TMEM184B: variants seen among roughly 807,000 people sequenced by gnomAD.
The protein encoded by TMEM184B is transmembrane protein 184B, also known as putative MAPK-activating protein FM08.
TMEM184B carries 17 observed loss-of-function variants against 41.8 expected under a neutral mutation model. The ratio of observed to expected loss-of-function variants is 0.41; its 90% confidence interval spans 0.28 to 0.61. The LOEUF is 0.61. Ranked by LOEUF, TMEM184B falls within the 20% of genes least tolerant of loss-of-function variation. The probability of loss-of-function intolerance (pLI) is 0.34; values close to 1 mark genes in which losing one functional copy is unlikely to be tolerated. For missense variants in TMEM184B, 393 were observed against 557.8 expected (o/e 0.70, Z 2.98); for synonymous variants, 240 against 229.5 (o/e 1.05, Z -0.41).
intron 1 of TMEM184B, among the ~76,000 whole-genome samples, chr22:38,252,417 G>A (rs1190320027): frequency 1.3e-5 from 2 of 152,174 alleles, no homozygotes; most frequent in Non-Finnish European, 2.9e-5. Context: ...ATGACAGAGG[G>A]CCCTGATGGA....
intron 3 of TMEM184B, among the ~76,000 whole-genome samples, chr22:38,243,139 C>A (rs1157652958): frequency 6.6e-6 from 1 of 151,790 alleles, no homozygotes; most frequent in African/African-American, 2.4e-5. Context: ...CTGGGAGAGG[C>A]CAGGCCAAAG....
intron 1 of TMEM184B, among the ~76,000 whole-genome samples, chr22:38,253,049 G>A (rs1383741109): frequency 1.3e-5 from 2 of 152,198 alleles, no homozygotes; most frequent in African/African-American, 2.4e-5. Context: ...GGCTGAGGCA[G>A]GAGAATGGCG....
chr22:38,247,231 T>G (rs1264194875), intron 2 of TMEM184B, among the ~76,000 whole-genome samples: 2 of 152,232 alleles, frequency 1.3e-5, no homozygotes, highest in Non-Finnish European at 2.9e-5. Flanking sequence ...CCTGTCCCTG[T>G]GCTCCTGCAG....
chr22:38,242,658 G>T (rs2091938251), intron 3 of TMEM184B, among the ~76,000 whole-genome samples: 1 of 152,174 alleles, frequency 6.6e-6, no homozygotes. Flanking sequence ...GGATCGGGGG[G>T]GACTGCCCCA....
At chr22:38,240,625 C>T (rs766927628) in intron 3 of TMEM184B, among the ~76,000 whole-genome samples, 1 of 151,414 alleles carries the variant, frequency 6.6e-6, no homozygotes, top group African/African-American at 2.4e-5. Context: ...TGGAAGGGCC[C>T]GCCAGGTTGC....
intron 8 of TMEM184B, 49 bp downstream of exon 8, chr22:38,224,736 G>A (rs779815925): frequency 1.3e-5 from 19 of 1,519,352 alleles, no homozygotes; most frequent in Admixed American, 2.0e-5. Flanking sequence ...GGGATGTTTG[G>A]GGCTCCCTGC....
At chr22:38,245,766 C>T (rs554664223) in intron 3 of TMEM184B, among the ~76,000 whole-genome samples, 169 bp downstream of exon 3, 1 of 152,240 alleles carries the variant, frequency 6.6e-6, no homozygotes, top group Non-Finnish European at 1.5e-5. Context: ...GAGACTCTAG[C>T]TGCATGTGCT....
At chr22:38,231,739 G>A (rs983215827) in intron 3 of TMEM184B, 4 of 363,978 alleles carry the variant, frequency 1.1e-5, no homozygotes, top group South Asian at 2.2e-5. Context: ...AGTGGCATGC[G>A]CCTGTGGTCC....
intron 1 of TMEM184B, among the ~76,000 whole-genome samples, chr22:38,268,198 T>C (rs930974579): frequency 2.0e-5 from 3 of 151,874 alleles, no homozygotes; most frequent in Non-Finnish European, 2.9e-5. Flanking sequence ...TTGGCTAACA[T>C]GGTGAAACCC....
intron 1 of TMEM184B, among the ~76,000 whole-genome samples, chr22:38,269,492 G>A: frequency 6.6e-6 from 1 of 152,004 alleles, no homozygotes; most frequent in Non-Finnish European, 1.5e-5. Flanking sequence ...TGGATTACAG[G>A]CATGAGCCAC....
At chr22:38,253,360 A>C (rs2092211826) in intron 1 of TMEM184B, among the ~76,000 whole-genome samples, 1 of 152,160 alleles carries the variant, frequency 6.6e-6, no homozygotes, top group African/African-American at 2.4e-5. Flanking sequence ...ACTTGAGGCT[A>C]GGAGTTCGAG....
chr22:38,267,991 T>A (rs1330722791), intron 1 of TMEM184B, among the ~76,000 whole-genome samples: 1 of 152,160 alleles, frequency 6.6e-6, no homozygotes, highest in East Asian at 1.9e-4. Flanking sequence ...AAATGCTACC[T>A]GGGTGTCCGC....
intron 1 of TMEM184B, among the ~76,000 whole-genome samples, chr22:38,252,250 G>A (rs1010326388): frequency 6.6e-6 from 1 of 151,998 alleles, no homozygotes; most frequent in African/African-American, 2.4e-5. Flanking sequence ...TTGGAGAGAT[G>A]GGGTTTTACC....
At chr22:38,242,547 TGGATCTGCAGAGTTCTCCAGCCCA>T (rs1261790870) in intron 3 of TMEM184B, among the ~76,000 whole-genome samples, 1 of 152,188 alleles carries the variant, frequency 6.6e-6, no homozygotes, top group African/African-American at 2.4e-5. Context: ...AAGGGCTGGC[TGGATCTGCAGAGTTCTCCAGCCCA>T]GGTGAATCCC....
chr22:38,225,337 C>T lies in TMEM184B; in HGVS notation c.787+87G>A. 2 of 1,459,070 alleles carry T rather than the reference C, an allele frequency of 1.4e-6. No individual in the cohort carries two copies. The highest frequency in any genetic ancestry group is 9.2e-7 in the Non-Finnish European group (1 of 1,092,596). The allele number at this position is 1,459,070 out of a possible 1,614,324, so 90.4% of individuals were successfully genotyped here. ...GGCCCCTCTGAACAGGCCCTACAGG[C>T]ACCAGGGACCATAAGCAGAAGGGGC... is the stretch of plus-strand genomic sequence containing the variant. On this transcript the variant is annotated intron_variant, in intron 7 of 8. Coordinates refer to ENST00000361906, the MANE Select transcript of TMEM184B (RefSeq NM_012264.5). The surrounding 1 kb of genome is among the most constrained non-coding windows in gnomAD (Gnocchi z 4.4).
At chr22:38,237,906 A>AGG (rs2091816717) in intron 3 of TMEM184B, among the ~76,000 whole-genome samples, 1 of 151,740 alleles carries the variant, frequency 6.6e-6, no homozygotes, top group African/African-American at 2.4e-5. Flanking sequence ...GGTTCAAGCA[A>AGG]TTCTCCTGCC....
At chr22:38,245,453 G>T (rs1298257558) in intron 3 of TMEM184B, among the ~76,000 whole-genome samples, 1 of 148,010 alleles carries the variant, frequency 6.8e-6, no homozygotes, top group Non-Finnish European at 1.5e-5. Context: ...TGCCTGAGAC[G>T]CCAGCACTAA....
At chr22:38,231,404 A>T in intron 3 of TMEM184B, 70 bp from the exon 4 acceptor site, 1 of 1,245,288 alleles carries the variant, frequency 8.0e-7, no homozygotes. Flanking sequence ...GGGATTCTAA[A>T]CAGCAATGGA....
Position 38,239,653 on chromosome 22 carries a change from A to G in TMEM184B, c.358+6282T>C, listed in dbSNP as rs532230134. ...ATTACAAGTTTCAACAGAGGCTGAG[A>G]CAGCTCTATCCTCAGAACACGGTCC... On this transcript the variant is annotated intron_variant, in intron 3 of 8. Coordinates refer to ENST00000361906, the MANE Select transcript of TMEM184B (RefSeq NM_012264.5). This position sits in a 1 kb window ranked among gnomAD's most constrained non-coding sequence, Gnocchi z 4.6. 1.6e-4 allele frequency among the ~76,000 whole-genome samples: 25 copies of G among 152,306 alleles called. 1 individual carries two copies. The highest frequency in any genetic ancestry group is 1.6e-3 in the Admixed American group (24 of 15,294).
Sources: gnomAD v4.1 joint callset for allele counts (sites outside exome capture counted in the v4.1 genomes callset) on GRCh38, gnomAD v4.1.1 for gene constraint, Gnocchi (gnomAD v3.1) non-coding constraint, MANE v1.5 for transcripts, NCBI Gene and HGNC (gene_info 2026-07-23, HGNC 2026-07-21) for gene names.